Variants in RELN observed in about 807,000 individuals in gnomAD.
RELN encodes reelin.
In RELN, 108 loss-of-function variants were observed where a neutral mutation model predicts 427.6. That is an observed-to-expected ratio of 0.25 (90% confidence interval 0.22 to 0.30). The LOEUF is 0.30. Among genes scored for constraint, RELN ranks in the 10% least tolerant of loss-of-function variants. RELN has a pLI of 1.00. For synonymous variants in RELN, 1,524 were observed against 1,513.4 expected (o/e 1.01, Z -0.16); for missense variants, 3,715 against 4,302.8 (o/e 0.86, Z 3.82).
intron 6 of RELN, among the ~76,000 whole-genome samples, chr7:103,739,777 C>G (rs750577885): frequency 1.3e-5 from 2 of 152,204 alleles, no homozygotes; most frequent in Admixed American, 1.3e-4. Flanking sequence ...CCAGAGAGAT[C>G]TAGGAGGCAA....
At chr7:103,537,799 C>T (rs1191193878) in intron 45 of RELN, among the ~76,000 whole-genome samples, 1 of 152,214 alleles carries the variant, frequency 6.6e-6, no homozygotes, top group Non-Finnish European at 1.5e-5. Context: ...TTCTTTGCTT[C>T]TGCTTACAGC....
chr7:103,736,729 A>G (rs919783230), intron 6 of RELN, among the ~76,000 whole-genome samples: 4 of 152,192 alleles, frequency 2.6e-5, no homozygotes, highest in Admixed American at 6.5e-5. Context: ...ACTTGTTTCA[A>G]ATGTACTTGA....
intron 10 of RELN, among the ~76,000 whole-genome samples, chr7:103,686,268 T>C (rs1008944540): frequency 2.6e-5 from 4 of 151,988 alleles, no homozygotes; most frequent in Non-Finnish European, 4.4e-5. Context: ...CATTAAGGAG[T>C]TGTCACTCAG....
intron 2 of RELN, among the ~76,000 whole-genome samples, chr7:103,866,787 A>T (rs1334833394): frequency 6.6e-6 from 1 of 152,080 alleles, no homozygotes; most frequent in South Asian, 2.1e-4. Context: ...AATAATATAT[A>T]GGTAGAAGTT....
chr7:103,574,330 C>A (rs1024389607), intron 29 of RELN, 31 bp from the exon 30 acceptor site: 1 of 1,584,100 alleles, frequency 6.3e-7, no homozygotes, highest in Non-Finnish European at 8.7e-7. Flanking sequence ...AGGAGAGATG[C>A]TTTGTTGGAA....
At position 103,894,289 on chromosome 7, in the gene RELN, C is replaced by T. The variant is rs552528563; in HGVS notation, c.337+22786G>A. On this transcript the variant is annotated intron_variant, in intron 2 of 64. Transcript: ENST00000428762. ...TTTTTGACCTATAGTATACTCTTCA[C>T]TGCATTAAAGATTTTGCAGAAATAG... Among the ~76,000 whole-genome samples the T allele has an allele frequency of 2.0e-4, 30 of 152,234 alleles. No individual in the cohort carries two copies. In the East Asian group the frequency reaches 5.4e-3, roughly 27 times the overall value.
chr7:103,474,130 A>T (rs1827948991), intron 64 of RELN, among the ~76,000 whole-genome samples: 1 of 152,200 alleles, frequency 6.6e-6, no homozygotes, highest in Non-Finnish European at 1.5e-5. Context: ...ATATTATACT[A>T]GCACTTGTAA....
intron 42 of RELN, among the ~76,000 whole-genome samples, chr7:103,543,571 G>A (rs979960353): frequency 7.2e-5 from 11 of 152,084 alleles, no homozygotes; most frequent in Non-Finnish European, 1.5e-4. Context: ...ACTTGAACCC[G>A]GGAGGCGGAG....
chr7:103,728,970 G>T (rs1299179224), intron 6 of RELN, among the ~76,000 whole-genome samples: 1 of 152,044 alleles, frequency 6.6e-6, no homozygotes, highest in African/African-American at 2.4e-5. Context: ...TAAAATCTTA[G>T]GACAGGATCT....
chr7:103,489,958 C>T, intron 59 of RELN, 59 bp from the exon 60 acceptor site: 1 of 1,598,754 alleles, frequency 6.3e-7, no homozygotes, highest in Non-Finnish European at 8.6e-7. Context: ...ATGGCTGCAT[C>T]CTGCCTCCAG....
chr7:103,646,410 T>A (rs1584373345), intron 16 of RELN, among the ~76,000 whole-genome samples: 1 of 151,504 alleles, frequency 6.6e-6, no homozygotes, highest in Non-Finnish European at 1.5e-5. Flanking sequence ...AATATTCAAA[T>A]AAGCAGAATA....
intron 10 of RELN, among the ~76,000 whole-genome samples, chr7:103,691,334 C>T (rs974034698): frequency 2.0e-5 from 3 of 151,688 alleles, no homozygotes; most frequent in South Asian, 2.1e-4. Context: ...TAGTCCCCCC[C>T]GCCAAAAAAC....
chr7:103,801,664 G>A (rs1297718669), intron 3 of RELN, among the ~76,000 whole-genome samples: 3 of 151,872 alleles, frequency 2.0e-5, no homozygotes, highest in Admixed American at 2.0e-4. Context: ...GGCCAGCATG[G>A]CACATATATA....
chr7:103,652,492 A>T, intron 14 of RELN, 59 bp downstream of exon 14: 1 of 1,374,384 alleles, frequency 7.3e-7, no homozygotes, highest in South Asian at 1.2e-5. Flanking sequence ...CTCTTATTTA[A>T]TAGCCAAATC....
chr7:103,989,120 G>T lies in RELN; in HGVS notation c.226+11C>A. The T allele has an allele frequency of 6.2e-7, 1 of 1,612,380 alleles. No individual in the cohort carries two copies. The highest frequency in any genetic ancestry group is 8.5e-7 in the Non-Finnish European group (1 of 1,178,884). ...CGGCGGCGGCGAGCGCGGAGGTGCT[G>T]CGGTACCTACCATGGTATTCTTGTC... is the stretch of plus-strand genomic sequence containing the variant. On this transcript the variant is annotated intron_variant, in intron 1 of 64. Transcript: ENST00000428762. The surrounding 1 kb of genome is among the most constrained non-coding windows in gnomAD (Gnocchi z 4.9).
At chr7:103,522,302 GAA>G in intron 47 of RELN, 103 bp from the exon 48 acceptor site, 1 of 1,162,524 alleles carries the variant, frequency 8.6e-7, no homozygotes, top group South Asian at 1.3e-5. Flanking sequence ...CCAAGATGAT[GAA>G]AAGTTACTGA....
rs201561165 is a variant in RELN, at chr7:103,540,391, C to T, written c.6736G>A (p.Val2246Met). 1.7e-5 allele frequency: 28 copies of T among 1,614,032 alleles called. No individual in the cohort carries two copies. The highest frequency in any genetic ancestry group is 6.7e-5 in the African/African-American group (5 of 75,034). Residue 2246 changes from valine to methionine, a missense_variant, in exon 44 of 65, where the codon GTG (valine) becomes ATG (methionine). Around this residue, in one of 4 missense-constraint regions of RELN, gnomAD observed 1,310 missense variants for 1,643.0 expected, o/e 0.80. Transcript: ENST00000428762. ...CCGTTGAGAGAATACTGTAGGAGCA[C>T]GGGTTGACTCCTGGGGTCAGGAACG... ...KGVPDPRSQP[V>M]LLQYSLNGGL...
At chr7:103,798,272 T>C (rs935576258) in intron 3 of RELN, among the ~76,000 whole-genome samples, 3 of 152,334 alleles carry the variant, frequency 2.0e-5, no homozygotes, top group African/African-American at 7.2e-5. Flanking sequence ...ATTAAGAACA[T>C]GAGCTCTGCA....
rs1191611145 is a variant in RELN at position 103,491,852 on chromosome 7, T to TCA, written c.9443+100_9443+101insTG. ...CTCTCTCTCTCTCTCTCTCTCTCTC[T>TCA]CTCTCACACACACACACACACACAC... On this transcript the variant is annotated intron_variant, in intron 58 of 64. Transcript: ENST00000428762. The TCA allele has an allele frequency of 1.4e-3, 602 of 439,264 alleles. 1 individual carries two copies. The highest frequency in any genetic ancestry group is 9.5e-3 in the East Asian group (134 of 14,120). 27.2% of individuals were successfully genotyped at this position (439,264 alleles called of 1,614,324 possible). A position where few individuals can be genotyped will look rare whatever the true frequency, so the allele number is the denominator to read the frequency against.
Sources: allele counts gnomAD v4.1 joint callset (sites outside exome capture counted in the v4.1 genomes callset), GRCh38; gene constraint gnomAD v4.1.1; regional missense constraint gnomAD v4.1.1; non-coding constraint Gnocchi (gnomAD v3.1); transcripts MANE v1.5; gene names NCBI Gene and HGNC (gene_info 2026-07-23, HGNC 2026-07-21).